RASGRP3: variants seen among roughly 807,000 people sequenced by gnomAD.
RASGRP3 encodes the protein RAS guanyl releasing protein 3, also known as ras guanyl-releasing protein 3.
Under a neutral mutation model 82.7 loss-of-function variants are expected in RASGRP3, and 54 were observed. The observed-to-expected ratio is 0.65, with a 90% CI of 0.52 to 0.82. The LOEUF is 0.82. Among genes scored for constraint, RASGRP3 ranks in the 40% least tolerant of loss-of-function variants. The probability of loss-of-function intolerance (pLI) is 0.00; values close to 1 mark genes in which losing one functional copy is unlikely to be tolerated. For synonymous variants in RASGRP3, 309 were observed against 300.5 expected (o/e 1.03, Z -0.29); for missense variants, 861 against 828.9 (o/e 1.04, Z -0.48).
intron 10 of RASGRP3, among the ~76,000 whole-genome samples, chr2:33,530,095 G>A (rs953815252): frequency 2.0e-5 from 3 of 152,150 alleles, no homozygotes; most frequent in Non-Finnish European, 4.4e-5. Context: ...GCCATTTTAG[G>A]AAGCACACAC....
chr2:33,453,599 A>C (rs1665903970), intron 2 of RASGRP3, among the ~76,000 whole-genome samples: 1 of 152,160 alleles, frequency 6.6e-6, no homozygotes, highest in South Asian at 2.1e-4. Context: ...AACCAAGATG[A>C]AAGATGCAAG....
intron 2 of RASGRP3, among the ~76,000 whole-genome samples, chr2:33,455,456 A>G (rs1665989232): frequency 6.6e-6 from 1 of 152,240 alleles, no homozygotes; most frequent in South Asian, 2.1e-4. Context: ...AAATTTGTAG[A>G]TAACTGGGCT....
chr2:33,475,314 T>A (rs1275825404), upstream of RASGRP3, among the ~76,000 whole-genome samples: 1 of 152,260 alleles, frequency 6.6e-6, no homozygotes, highest in African/African-American at 2.4e-5. Flanking sequence ...TGAGGGTTTT[T>A]TGTCTTTTTC....
chr2:33,460,608 G>A (rs1455068054), intron 2 of RASGRP3, among the ~76,000 whole-genome samples: 8 of 151,090 alleles, frequency 5.3e-5, no homozygotes, highest in East Asian at 2.0e-4. Context: ...TTCACCTCCC[G>A]TGTTCAAGCA....
Position 33,536,545 on chromosome 2 carries a change from A to G in RASGRP3, c.1161+2145A>G, listed in dbSNP as rs566940255. Reference sequence around the variant, plus strand: ...CCTTGTGTGCCTTTAGTTTTACTTTAGTTTATTTTCAGGATCTTTTTTTTT... The same window carrying G: ...CCTTGTGTGCCTTTAGTTTTACTTTGGTTTATTTTCAGGATCTTTTTTTTT... On this transcript the variant is annotated intron_variant, in intron 11 of 17. Coordinates refer to ENST00000403687, the MANE Select transcript of RASGRP3 (RefSeq NM_001139488.2). Among the ~76,000 whole-genome samples, 15 of 152,044 alleles carry G rather than the reference A, an allele frequency of 9.9e-5. No homozygotes were observed. The South Asian group carries it at 3.1e-3, about 32-fold the overall frequency.
chr2:33,462,139 T>C (rs1013555383), intron 2 of RASGRP3, among the ~76,000 whole-genome samples: 1 of 152,182 alleles, frequency 6.6e-6, no homozygotes, highest in Non-Finnish European at 1.5e-5. Flanking sequence ...ACAGCCATGA[T>C]GTAAAAATTC....
intron 5 of RASGRP3, 103 bp downstream of exon 5, chr2:33,520,117 C>G: frequency 1.1e-6 from 1 of 911,578 alleles, no homozygotes; most frequent in Non-Finnish European, 1.7e-6. Flanking sequence ...ACAGACTCTA[C>G]TCTGATACCC....
chr2:33,455,131 C>A (rs1009577408), intron 2 of RASGRP3, among the ~76,000 whole-genome samples: 1 of 152,058 alleles, frequency 6.6e-6, no homozygotes, highest in Non-Finnish European at 1.5e-5. Context: ...GAGATGATGT[C>A]ATGTAGGCAA....
intron 1 of RASGRP3, among the ~76,000 whole-genome samples, chr2:33,484,918 G>C (rs1668241395): frequency 6.6e-6 from 1 of 152,132 alleles, no homozygotes; most frequent in African/African-American, 2.4e-5. Flanking sequence ...GATGCCCTTG[G>C]CCGGGTGCAG....
At chr2:33,475,490 G>T (rs1005322165), upstream of RASGRP3, among the ~76,000 whole-genome samples, 3 of 152,204 alleles carry the variant, frequency 2.0e-5, no homozygotes, top group Non-Finnish European at 4.4e-5. Context: ...AGTTTAACAG[G>T]CACATTATGG....
At chr2:33,469,959 T>C (rs1352819190) in intron 2 of RASGRP3, among the ~76,000 whole-genome samples, 1 of 152,232 alleles carries the variant, frequency 6.6e-6, no homozygotes, top group Non-Finnish European at 1.5e-5. Flanking sequence ...TATGTGTATT[T>C]CTGGGCTTTT....
rs565112347 is a variant in RASGRP3, at chr2:33,467,663, G to A, written c.-261+19720G>A. Among the ~76,000 whole-genome samples, 18 of 152,302 alleles carry A rather than the reference G, an allele frequency of 1.2e-4. No individual in the cohort carries two copies. In the South Asian group the frequency reaches 3.1e-3, roughly 26 times the overall value. On this transcript the variant is annotated intron_variant, in intron 2 of 18. Coordinates refer to the RASGRP3 transcript ENST00000402538. ...CGTCCCAACTTGACGCAGCTTGTGTGGAATTTGGTGTAGGGCAAATGGACC... is the reference window on the plus strand; with the variant it reads ...CGTCCCAACTTGACGCAGCTTGTGTAGAATTTGGTGTAGGGCAAATGGACC...
At chr2:33,552,530 A>G (rs182735624) in intron 14 of RASGRP3, among the ~76,000 whole-genome samples, 48 of 152,140 alleles carry the variant, frequency 3.2e-4, no homozygotes, top group African/African-American at 1.0e-3. Flanking sequence ...CTTTACTGAC[A>G]CTCATGTCAA....
intron 13 of RASGRP3, among the ~76,000 whole-genome samples, chr2:33,546,857 G>A (rs958085444): frequency 2.0e-5 from 3 of 151,876 alleles, no homozygotes; most frequent in African/African-American, 4.8e-5. Flanking sequence ...CACCTGAGTC[G>A]GGAGCTCGAG....
Position 33,547,408 on chromosome 2 carries a change from A to G in RASGRP3, c.1395-2196A>G, listed in dbSNP as rs75588992. ...AAAATAACTTTAATAATACTTATAA[A>G]GTACAAAAATCAAAGTTATTTTGCA... On this transcript the variant is annotated intron_variant, in intron 13 of 17. Transcript: ENST00000403687. Among the ~76,000 whole-genome samples, 1,282 of 140,064 alleles carry G rather than the reference A, an allele frequency of 9.2e-3. 6 individuals carry two copies. Among genetic ancestry groups the G allele is most frequent in the Non-Finnish European group, 0.014 (950 of 66,766 alleles). The allele number at this position is 140,064 out of a possible 152,430, so 91.9% of individuals were successfully genotyped here.
intron 10 of RASGRP3, among the ~76,000 whole-genome samples, chr2:33,529,290 C>A (rs1356594892): frequency 6.6e-6 from 1 of 151,330 alleles, no homozygotes; most frequent in South Asian, 2.1e-4. Context: ...GTCAGGAGAT[C>A]GAGACCATCC....
intron 12 of RASGRP3, among the ~76,000 whole-genome samples, chr2:33,542,705 C>T (rs1674386551): frequency 1.4e-5 from 2 of 145,642 alleles, no homozygotes; most frequent in South Asian, 2.2e-4. Flanking sequence ...TTTATTGAGA[C>T]AGAGTTTTGC....
chr2:33,438,984 G>C (rs1665073489), intron 1 of RASGRP3, among the ~76,000 whole-genome samples: 1 of 144,196 alleles, frequency 6.9e-6, no homozygotes, highest in South Asian at 2.1e-4. Context: ...TTCTTCTTCA[G>C]ACTGGAAACT....
intron 2 of RASGRP3, among the ~76,000 whole-genome samples, chr2:33,458,414 C>T (rs75447223): frequency 3.3e-5 from 5 of 152,048 alleles, no homozygotes; most frequent in East Asian, 1.9e-4. Flanking sequence ...GCTGGTGTAG[C>T]CATATCAGTT....
Sources: gnomAD v4.1 joint callset for allele counts (sites outside exome capture counted in the v4.1 genomes callset) on GRCh38, gnomAD v4.1.1 for gene constraint, MANE v1.5 for transcripts, NCBI Gene and HGNC (gene_info 2026-07-23, HGNC 2026-07-21) for gene names.